The following NEK1 variants were observed in gnomAD, a reference collection of about 807,000 sequenced individuals.
The protein encoded by NEK1 is serine/threonine-protein kinase Nek1.
NEK1 carries 137 observed loss-of-function variants against 182.1 expected under a neutral mutation model. That is an observed-to-expected ratio of 0.75 (90% CI 0.65 to 0.87). The LOEUF (loss-of-function observed/expected upper bound fraction) is 0.87. NEK1 is among the 40% of genes least tolerant of loss of function. NEK1 has a pLI of 0.00. For synonymous variants in NEK1, 513 were observed against 492.2 expected (o/e 1.04, Z -0.56); for missense variants, 1,391 against 1,494.4 (o/e 0.93, Z 1.14).
At chr4:169,563,234 A>G (rs1763196002) in intron 12 of NEK1, among the ~76,000 whole-genome samples, 1 of 151,766 alleles carries the variant, frequency 6.6e-6, no homozygotes, top group Admixed American at 6.6e-5. Context: ...TGTGGCCCAC[A>G]CCTGTTGTCC....
At chr4:169,597,297 G>C (rs533088194) in intron 5 of NEK1, among the ~76,000 whole-genome samples, 2 of 152,192 alleles carry the variant, frequency 1.3e-5, no homozygotes, top group South Asian at 4.1e-4. Flanking sequence ...TTGATAAGTA[G>C]AGCAAGAACT....
At chr4:169,474,003 C>T (rs1746499363) in intron 26 of NEK1, among the ~76,000 whole-genome samples, 1 of 151,936 alleles carries the variant, frequency 6.6e-6, no homozygotes, top group Middle Eastern at 3.4e-3. Context: ...GAATTGTAAA[C>T]AGAGAACACT....
rs1277390879 is a variant in NEK1 at position 169,468,621 on chromosome 4, T to C, written c.2435-5226A>G. ...ATTGATGGTTTTGCTATCAGGATGA[T>C]GCTGGTCTCATAAAATTAGTTAGGG... On this transcript the variant is annotated intron_variant, in intron 26 of 35. Transcript: ENST00000507142. Among the ~76,000 whole-genome samples, 5 of 152,380 alleles carry C rather than the reference T, an allele frequency of 3.3e-5. No homozygotes were observed. In the East Asian group the frequency reaches 7.7e-4, roughly 23 times the overall value.
At chr4:169,503,056 A>G (rs985985233) in intron 23 of NEK1, among the ~76,000 whole-genome samples, 4 of 152,172 alleles carry the variant, frequency 2.6e-5, no homozygotes, top group African/African-American at 7.2e-5. Context: ...ATTTTACAAA[A>G]ATCAGTAGTA....
rs560729980 is a variant in NEK1, at chr4:169,536,401, G to A, written c.1665+1408C>T. Reference sequence around the variant, plus strand: ...GAAAAAAGATACATTATATACCAAGGAAAAAGATAAGAATGAATGCTTAGT... The same window carrying A: ...GAAAAAAGATACATTATATACCAAGAAAAAAGATAAGAATGAATGCTTAGT... On this transcript the variant is annotated intron_variant, in intron 19 of 35. Coordinates refer to ENST00000507142, the MANE Select transcript of NEK1 (RefSeq NM_001199397.3). 7.9e-5 allele frequency among the ~76,000 whole-genome samples: 12 copies of A among 151,676 alleles called. No individual in the cohort carries two copies. The East Asian group carries it at 9.7e-4, about 12-fold the overall frequency.
intron 23 of NEK1, among the ~76,000 whole-genome samples, chr4:169,500,301 C>T (rs544214041): frequency 1.3e-5 from 2 of 152,236 alleles, no homozygotes; most frequent in Admixed American, 6.5e-5. Context: ...CGTCTGTCAC[C>T]CCTTTCTTTG....
chr4:169,542,384 T>A (rs986973669), intron 18 of NEK1, among the ~76,000 whole-genome samples: 1 of 152,238 alleles, frequency 6.6e-6, no homozygotes, highest in African/African-American at 2.4e-5. Flanking sequence ...TGCCACACTT[T>A]CTTTATCCAG....
At chr4:169,539,701 A>G (rs774090051) in intron 18 of NEK1, among the ~76,000 whole-genome samples, 18 of 152,192 alleles carry the variant, frequency 1.2e-4, no homozygotes, top group Non-Finnish European at 2.4e-4. Flanking sequence ...TTCAGGTATG[A>G]TGCTCAGACA....
intron 27 of NEK1, among the ~76,000 whole-genome samples, chr4:169,448,102 A>G (rs1296171067): frequency 6.6e-6 from 1 of 151,878 alleles, no homozygotes; most frequent in Non-Finnish European, 1.5e-5. Context: ...GCAGTGGGAC[A>G]TGCTTGTAGT....
At chr4:169,466,390 C>T (rs906412758) in intron 26 of NEK1, among the ~76,000 whole-genome samples, 5 of 151,772 alleles carry the variant, frequency 3.3e-5, no homozygotes, top group Admixed American at 1.3e-4. Context: ...GAAACCAAGG[C>T]TACAGGGAAA....
intron 23 of NEK1, among the ~76,000 whole-genome samples, chr4:169,485,450 T>C (rs1489690979): frequency 6.6e-6 from 1 of 152,208 alleles, no homozygotes; most frequent in Non-Finnish European, 1.5e-5. Flanking sequence ...TGGTGTATTA[T>C]TTATAATCAG....
Position 169,514,848 on chromosome 4 carries a change from G to C in NEK1, c.1666-5996C>G, listed in dbSNP as rs192158087. On this transcript the variant is annotated intron_variant, in intron 19 of 35. Coordinates refer to ENST00000507142, the MANE Select transcript of NEK1 (RefSeq NM_001199397.3). ...AGTATTACTGGTCTCAATTTTATCA[G>C]TATCTATTCTTAATTACTTCATTCT... Among the ~76,000 whole-genome samples the C allele has an allele frequency of 5.9e-5, 9 of 151,928 alleles. No homozygotes were observed. In the East Asian group the frequency reaches 9.7e-4, roughly 16 times the overall value.
At chr4:169,405,621 G>C (rs1183134271) in intron 32 of NEK1, among the ~76,000 whole-genome samples, 3 of 152,084 alleles carry the variant, frequency 2.0e-5, no homozygotes, top group African/African-American at 2.4e-5. Flanking sequence ...CATCATGCCA[G>C]TGCACTCCAG....
chr4:169,600,312 C>T (rs1011266776), intron 4 of NEK1, among the ~76,000 whole-genome samples: 9 of 152,024 alleles, frequency 5.9e-5, no homozygotes, highest in African/African-American at 2.2e-4. Context: ...ACCTTAGCTT[C>T]CAGAGTAGGT....
At chr4:169,410,015 C>A (rs573055427) in intron 31 of NEK1, among the ~76,000 whole-genome samples, 112 of 152,220 alleles carry the variant, frequency 7.4e-4, no homozygotes, top group African/African-American at 2.6e-3. Context: ...AAGTTTGAAA[C>A]AGGTTATTCA....
chr4:169,435,560 G>C lies in NEK1; in HGVS notation c.2765-1895C>G, dbSNP rs72691057. Among the ~76,000 whole-genome samples the C allele has an allele frequency of 3.9e-3, 601 of 152,222 alleles. 5 individuals carry two copies. Among genetic ancestry groups the C allele is most frequent in the South Asian group, 0.03 (144 of 4,820 alleles). On this transcript the variant is annotated intron_variant, in intron 28 of 35. Coordinates refer to ENST00000507142, the MANE Select transcript of NEK1 (RefSeq NM_001199397.3). ...TTCTCCTCCTCTTTAATTTCAGCTGGCATGGTGATTCCCTTGAGTAATGGA... is the reference window on the plus strand; with the variant it reads ...TTCTCCTCCTCTTTAATTTCAGCTGCCATGGTGATTCCCTTGAGTAATGGA...
At chr4:169,439,197 T>C (rs1290190302) in intron 27 of NEK1, among the ~76,000 whole-genome samples, 3 of 152,226 alleles carry the variant, frequency 2.0e-5, no homozygotes, top group Non-Finnish European at 4.4e-5. Flanking sequence ...TATATCTGCA[T>C]ACACAGGGTT....
Position 169,440,671 on chromosome 4 carries a change from G to T in NEK1, c.2588-2412C>A, listed in dbSNP as rs139376159. 5.2e-4 allele frequency among the ~76,000 whole-genome samples: 79 copies of T among 152,320 alleles called. 3 individuals are homozygous for T. In the East Asian group the frequency reaches 0.013, roughly 25 times the overall value. ...TTGGCCTGGCTAGGACTGGCTAGAA[G>T]CCAGGAGAAACACCACAGATTGACC... On this transcript the variant is annotated intron_variant, in intron 27 of 35. Transcript: ENST00000507142.
chr4:169,610,503 T>C (rs1025105809), intron 2 of NEK1, among the ~76,000 whole-genome samples: 2 of 151,300 alleles, frequency 1.3e-5, no homozygotes, highest in Non-Finnish European at 2.9e-5. Context: ...TTGGTAGATA[T>C]GGGTTCGCCA....
Sources: gnomAD v4.1 joint callset for allele counts (sites outside exome capture counted in the v4.1 genomes callset) on GRCh38, gnomAD v4.1.1 for gene constraint, MANE v1.5 for transcripts, NCBI Gene and HGNC (gene_info 2026-07-23, HGNC 2026-07-21) for gene names.